Variants in HDAC9 observed in about 807,000 individuals in gnomAD.
HDAC9 encodes the protein MEF-2 interacting transcription repressor (MITR) protein.
Under a neutral mutation model 139.4 loss-of-function variants are expected in HDAC9, and 41 were observed. The observed-to-expected ratio is 0.29, with a 90% CI of 0.23 to 0.38. The LOEUF is 0.38. Ranked by LOEUF, HDAC9 falls within the 10% of genes least tolerant of loss-of-function variation. HDAC9 has a pLI of 1.00. For synonymous variants in HDAC9, 517 were observed against 476.2 expected (o/e 1.09, Z -1.12); for missense variants, 1,147 against 1,297.0 (o/e 0.88, Z 1.78).
At chr7:18,132,995 CCTAA>C (rs1209242294) in intron 1 of HDAC9, among the ~76,000 whole-genome samples, 5 of 152,124 alleles carry the variant, frequency 3.3e-5, no homozygotes, top group African/African-American at 9.7e-5. Flanking sequence ...TGGGCCCTGT[CCTAA>C]CTGAGTCCTC....
intron 23 of HDAC9, among the ~76,000 whole-genome samples, chr7:18,950,786 A>C (rs1006115861): frequency 6.6e-6 from 1 of 152,030 alleles, no homozygotes; most frequent in African/African-American, 2.4e-5. Flanking sequence ...AATTCAAAGA[A>C]GAATGAAAAA....
chr7:18,103,824 C>T (rs1562622332), intron 1 of HDAC9, among the ~76,000 whole-genome samples: 1 of 141,886 alleles, frequency 7.0e-6, no homozygotes, highest in African/African-American at 2.6e-5. Context: ...TAATATAAAA[C>T]ATCGGAATAA....
chr7:18,979,460 C>G (rs1424349817), intron 25 of HDAC9, among the ~76,000 whole-genome samples: 1 of 152,166 alleles, frequency 6.6e-6, no homozygotes, highest in Non-Finnish European at 1.5e-5. Flanking sequence ...ATTCACCCCT[C>G]TTATTTTATT....
intron 23 of HDAC9, among the ~76,000 whole-genome samples, chr7:18,951,098 G>A (rs1037544175): frequency 1.3e-5 from 2 of 151,708 alleles, no homozygotes; most frequent in Non-Finnish European, 2.9e-5. Context: ...AATATCCCTC[G>A]CCTCTTTCTA....
At chr7:18,341,659 C>G (rs1262699198) in intron 1 of HDAC9, among the ~76,000 whole-genome samples, 1 of 151,596 alleles carries the variant, frequency 6.6e-6, no homozygotes, top group African/African-American at 2.4e-5. Flanking sequence ...ACAACTGTTT[C>G]AATGTGTTTT....
chr7:18,434,521 C>A (rs1790991954), intron 1 of HDAC9, among the ~76,000 whole-genome samples: 1 of 151,932 alleles, frequency 6.6e-6, no homozygotes, highest in South Asian at 2.1e-4. Flanking sequence ...TATCCAGAAT[C>A]TATAAGGAAT....
At chr7:18,464,917 G>T (rs1334221090) in intron 1 of HDAC9, among the ~76,000 whole-genome samples, 2 of 151,902 alleles carry the variant, frequency 1.3e-5, no homozygotes, top group African/African-American at 4.8e-5. Flanking sequence ...AACTTTCCAA[G>T]GGTCAATGTG....
intron 2 of HDAC9, among the ~76,000 whole-genome samples, chr7:18,277,664 C>T (rs1796830505): frequency 6.6e-6 from 1 of 152,146 alleles, no homozygotes; most frequent in South Asian, 2.1e-4. Flanking sequence ...TTTCCTACCT[C>T]ATTTTCTCAT....
chr7:18,975,983 G>A, intron 25 of HDAC9, 30 bp downstream of exon 25: 2 of 1,606,688 alleles, frequency 1.2e-6, no homozygotes, highest in Non-Finnish European at 8.5e-7. Context: ...GAATAATCCG[G>A]GTCAGTCATA....
intron 1 of HDAC9, among the ~76,000 whole-genome samples, chr7:18,139,077 AT>A (rs1785684377): frequency 6.9e-6 from 1 of 145,298 alleles, no homozygotes; most frequent in South Asian, 2.2e-4. Flanking sequence ...AATATTAAAT[AT>A]TTAATTTTAT....
chr7:18,760,611 C>T (rs1299283185), intron 14 of HDAC9, among the ~76,000 whole-genome samples: 1 of 152,186 alleles, frequency 6.6e-6, no homozygotes, highest in Non-Finnish European at 1.5e-5. Context: ...GCATCAAAAA[C>T]AGAGAACTTC....
intron 21 of HDAC9, among the ~76,000 whole-genome samples, chr7:18,845,151 T>C (rs1796827009): frequency 6.6e-6 from 1 of 152,148 alleles, no homozygotes; most frequent in Admixed American, 6.5e-5. Flanking sequence ...GGTGTGACAA[T>C]TAATACAAAT....
intron 22 of HDAC9, among the ~76,000 whole-genome samples, chr7:18,897,800 T>A (rs1801344438): frequency 6.6e-6 from 1 of 150,952 alleles, no homozygotes; most frequent in African/African-American, 2.4e-5. Flanking sequence ...TAATTGCTCT[T>A]TTAAAATATG....
At chr7:18,624,828 A>C (rs1841206632) in intron 6 of HDAC9, among the ~76,000 whole-genome samples, 1 of 151,954 alleles carries the variant, frequency 6.6e-6, no homozygotes, top group Non-Finnish European at 1.5e-5. Context: ...TGCCAGGACT[A>C]AATGATAGTT....
Position 18,840,996 on chromosome 7 carries a change from C to T in HDAC9, c.2684+4999C>T, listed in dbSNP as rs949845082. ...TGTCATATCCACACTGCAAGTGCTC[C>T]TTGGACAAGTCAATAATGGTCAGCC... On this transcript the variant is annotated intron_variant, in intron 21 of 25. Coordinates refer to ENST00000686413, the MANE Select transcript of HDAC9 (RefSeq NM_178425.4). 3.9e-5 allele frequency among the ~76,000 whole-genome samples: 6 copies of T among 152,180 alleles called. No individual in the cohort carries two copies. In the East Asian group the frequency reaches 1.2e-3, roughly 29 times the overall value.
intron 2 of HDAC9, among the ~76,000 whole-genome samples, chr7:18,233,764 C>T (rs1793633294): frequency 6.6e-6 from 1 of 152,154 alleles, no homozygotes; most frequent in African/African-American, 2.4e-5. Context: ...ATTTGCATAC[C>T]TGTCCTGACT....
chr7:18,496,549 A>G, intron 2 of HDAC9: 4 of 526,378 alleles, frequency 7.6e-6, no homozygotes, highest in South Asian at 3.0e-5. Context: ...ATTGCAAACT[A>G]TTGCTTCTGA....
At chr7:18,721,753 C>G (rs1360166253) in intron 12 of HDAC9, among the ~76,000 whole-genome samples, 6 of 152,046 alleles carry the variant, frequency 3.9e-5, no homozygotes, top group African/African-American at 1.2e-4. Context: ...CAAAACAAAA[C>G]AAAACAGAAA....
At chr7:18,612,906 T>A (rs1837560074) in intron 6 of HDAC9, among the ~76,000 whole-genome samples, 1 of 151,790 alleles carries the variant, frequency 6.6e-6, no homozygotes, top group Admixed American at 6.6e-5. Context: ...AGTTTCTGAG[T>A]TTTAAAAATA....
Sources: allele counts gnomAD v4.1 joint callset (sites outside exome capture counted in the v4.1 genomes callset), GRCh38; gene constraint gnomAD v4.1.1; transcripts MANE v1.5; gene names NCBI Gene and HGNC (gene_info 2026-07-23, HGNC 2026-07-21).